SHMT1: variants seen among roughly 807,000 people sequenced by gnomAD.
SHMT1 encodes serine hydroxymethyltransferase, cytosolic.
In SHMT1, 45 loss-of-function variants were observed where a neutral mutation model predicts 49.0. The observed-to-expected ratio is 0.92, with a 90% CI of 0.72 to 1.18. The LOEUF (loss-of-function observed/expected upper bound fraction) is 1.18, where lower values mean the gene tolerates loss of function less well. Among genes scored for constraint, SHMT1 ranks in the 50% most tolerant of loss-of-function variants. SHMT1 has a pLI of 0.00. For synonymous variants in SHMT1, 232 were observed against 246.6 expected (o/e 0.94, Z 0.55); for missense variants, 541 against 612.4 (o/e 0.88, Z 1.23).
rs1366992128 is a variant in SHMT1, at chr17:18,353,822, TGAG to T, written c.97-8_97-6del. ...CTTCTTAATGATGTTGTAAACCTTA[TGAG>T]AAGAAAACAGATGCTTGATATTTGG... On this transcript the variant is annotated splice_region_variant and splice_polypyrimidine_tract_variant and intron_variant, in intron 2 of 11. Transcript: ENST00000316694. 2.5e-6 allele frequency: 4 copies of T among 1,613,930 alleles called. No individual in the cohort carries two copies. The African/African-American group carries it at 5.3e-5, about 22-fold the overall frequency.
At chr17:18,350,748 T>G (rs181997835) in intron 3 of SHMT1, among the ~76,000 whole-genome samples, 1 of 152,020 alleles carries the variant, frequency 6.6e-6, no homozygotes, top group Admixed American at 6.6e-5. Flanking sequence ...TTTTTTTTTT[T>G]CTGAGATGGA....
chr17:18,358,126 G>A (rs796454611), intron 1 of SHMT1, among the ~76,000 whole-genome samples: 52 of 129,752 alleles, frequency 4.0e-4, no homozygotes, highest in African/African-American at 1.3e-3. Context: ...GTGAGCCACC[G>A]CGCCCAGCCT....
chr17:18,339,998 A>C (rs767688059), intron 7 of SHMT1, 45 bp downstream of exon 7: 2 of 1,584,832 alleles, frequency 1.3e-6, no homozygotes, highest in East Asian at 4.5e-5. Flanking sequence ...CACAGGAGAA[A>C]TGTAAACCAT....
intron 3 of SHMT1, among the ~76,000 whole-genome samples, chr17:18,353,119 G>C (rs1173593021): frequency 6.6e-6 from 1 of 152,180 alleles, no homozygotes; most frequent in African/African-American, 2.4e-5. Flanking sequence ...ATTTGCAAAA[G>C]CCATGTCTAA....
rs572473942 is a variant in SHMT1 at position 18,353,756 on chromosome 17, G to C, written c.158C>G (p.Ser53Trp). 7.4e-6 allele frequency: 12 copies of C among 1,613,872 alleles called. No individual in the cohort carries two copies. The South Asian group carries it at 1.2e-4, about 16-fold the overall frequency. The change falls in exon 3 of 12, where the codon TCG (serine) becomes TGG (tryptophan). Residue 53 changes from serine (S) to tryptophan (W), a missense_variant. Transcript: ENST00000316694. The part of the protein sequence containing the change: ...RQRVGLELIA[S>W]ENFASRAVLE... ...AACTGCTCGGCTGGCGAAATTCTCC[G>C]AGGCAATCAGCTCCAATCCAACCCT...
In SHMT1 at chr17:18,347,491, C is replaced by T. The variant is rs372550328; in HGVS notation, c.519+5G>A. On this transcript the variant is annotated splice_donor_5th_base_variant and intron_variant, in intron 5 of 11. Transcript: ENST00000316694. ...ATAAAAGCTAGGAGAGAAACACATG[C>T]TTACCTTGTAGGGCATAGATTCAAA... 1 of 1,613,852 alleles carries T rather than the reference C, an allele frequency of 6.2e-7. No individual in the cohort carries two copies. Among genetic ancestry groups the T allele is most frequent in the African/African-American group, 1.3e-5 (1 of 74,922 alleles).
chr17:18,328,724 G>A lies in SHMT1; in HGVS notation c.*26C>T, dbSNP rs775910676. The A allele has an allele frequency of 6.4e-6, 10 of 1,551,134 alleles. No individual in the cohort carries two copies. Among genetic ancestry groups the A allele is most frequent in the South Asian group, 1.2e-5 (1 of 84,636 alleles). On this transcript the variant is annotated 3_prime_UTR_variant, in exon 12 of 12. Transcript: ENST00000316694. ...GCAGGCAGCTTCCTCTGTGGCGCCA[G>A]GTGGGTCCAGAGTGGGCCCGCTCCT...
intron 1 of SHMT1, among the ~76,000 whole-genome samples, chr17:18,362,582 C>T (rs1986873773): frequency 6.6e-6 from 1 of 152,178 alleles, no homozygotes; most frequent in South Asian, 2.1e-4. Context: ...CCTCGGCCTC[C>T]CAAAATGCTG....
intron 3 of SHMT1, among the ~76,000 whole-genome samples, chr17:18,351,540 T>C (rs1985703055): frequency 6.6e-6 from 1 of 151,570 alleles, no homozygotes. Context: ...AGGCGGATCA[T>C]GAGGTCAGGA....
In SHMT1 at chr17:18,328,391, A is replaced by G. The variant is rs1982789820; in HGVS notation, c.*359T>C. On this transcript the variant is annotated 3_prime_UTR_variant, in exon 12 of 12. Coordinates refer to ENST00000316694, the MANE Select transcript of SHMT1 (RefSeq NM_004169.5). ...CCTCTCTGTTGCAGCAAGGCGGAGGAAAGCCCAGGGAGAGTAAAACGCTAC... is the reference window on the plus strand; with the variant it reads ...CCTCTCTGTTGCAGCAAGGCGGAGGGAAGCCCAGGGAGAGTAAAACGCTAC... 6 of 307,062 alleles carry G rather than the reference A, an allele frequency of 2.0e-5. No individual in the cohort carries two copies. The highest frequency in any genetic ancestry group is 1.9e-4 in the South Asian group (6 of 32,314). The allele number at this position is 307,062 out of a possible 1,614,324, so 19.0% of individuals were successfully genotyped here.
chr17:18,336,231 C>T (rs546793564), intron 7 of SHMT1, among the ~76,000 whole-genome samples: 1 of 150,966 alleles, frequency 6.6e-6, no homozygotes, highest in East Asian at 2.0e-4. Flanking sequence ...GAGCCAAGAT[C>T]GCGCCAGTGC....
In SHMT1 at chr17:18,363,486, C is replaced by G. The variant is rs1421204109; in HGVS notation, c.-134G>C. 1 of 152,884 alleles carries G rather than the reference C, an allele frequency of 6.5e-6. No individual in the cohort carries two copies. Among genetic ancestry groups the G allele is most frequent in the Non-Finnish European group, 1.5e-5 (1 of 68,604 alleles). 9.5% of individuals were successfully genotyped at this position (152,884 alleles called of 1,614,324 possible). On this transcript the variant is annotated 5_prime_UTR_variant, in exon 1 of 12. Coordinates refer to ENST00000316694, the MANE Select transcript of SHMT1 (RefSeq NM_004169.5). ...CGTGACCAGCCGCTCCAACCCCAAA[C>G]CCCGAACTTGGCGCTGGACCGCTCG...
intron 7 of SHMT1, among the ~76,000 whole-genome samples, chr17:18,338,031 T>C (rs35253049): frequency 0.36 from 50,597 of 141,112 alleles, 9,772 homozygotes; most frequent in African/African-American, 0.52. Context: ...GCCTGGCCGC[T>C]CATCATCTGG....
Position 18,340,242 on chromosome 17 carries a change from G to A in SHMT1, c.615C>T (p.Tyr205=). The A allele has an allele frequency of 6.2e-7, 1 of 1,614,122 alleles. No individual in the cohort carries two copies. Among genetic ancestry groups the A allele is most frequent in the East Asian group, 2.2e-5 (1 of 44,884 alleles). ...GCCGGGCATATTCCAGGTTTCGGGA[G>A]TAGCAGCTGGTTCCTGAGACAGGAA... is the stretch of plus-strand genomic sequence containing the variant. ...PKLIIAGTSC[Y]SRNLEYARLR... The change falls in exon 7 of 12, where the codon TAC becomes TAT. Residue 205 remains tyrosine (Y), a synonymous_variant. Transcript: ENST00000316694. This position sits in a 1 kb window ranked among gnomAD's most constrained non-coding sequence, Gnocchi z 4.5.
chr17:18,339,063 A>T, intron 7 of SHMT1, among the ~76,000 whole-genome samples: 1 of 149,224 alleles, frequency 6.7e-6, no homozygotes, highest in Non-Finnish European at 1.5e-5. Context: ...AAAAAAAAAA[A>T]AAAAAAAAAA....
chr17:18,352,165 T>TTTTTTTG (rs1598056691), intron 3 of SHMT1, among the ~76,000 whole-genome samples: 1 of 150,708 alleles, frequency 6.6e-6, no homozygotes, highest in African/African-American at 2.4e-5. Context: ...TTTTTTTTTT[T>TTTTTTTG]GAGACGGAGG....
Position 18,328,935 on chromosome 17 carries a change from C to T in SHMT1, c.1283-16G>A. 1 of 1,613,542 alleles carries T rather than the reference C, an allele frequency of 6.2e-7. No homozygotes were observed. The highest frequency in any genetic ancestry group is 8.5e-7 in the Non-Finnish European group (1 of 1,179,880). On this transcript the variant is annotated splice_polypyrimidine_tract_variant and intron_variant, in intron 11 of 11. Transcript: ENST00000316694. ...AGCTCTATCCCTGTGCCACAAGACA[C>T]AAATGAGTCACCCCACACTACACAC... is the stretch of plus-strand genomic sequence containing the variant.
chr17:18,347,725 G>C lies in SHMT1; in HGVS notation c.359-69C>G, dbSNP rs950760824. The C allele has an allele frequency of 2.5e-6, 4 of 1,574,606 alleles. No homozygotes were observed. In the African/African-American group the frequency reaches 4.1e-5, roughly 16 times the overall value. On this transcript the variant is annotated intron_variant, in intron 4 of 11. Coordinates refer to ENST00000316694, the MANE Select transcript of SHMT1 (RefSeq NM_004169.5). ...GGTACCAAGTGGCATCCGGGACCTT[G>C]GCCACTAAGCCTTCACCCAGGAGTG...
chr17:18,359,849 G>T (rs1321181491), intron 1 of SHMT1, among the ~76,000 whole-genome samples: 1 of 152,008 alleles, frequency 6.6e-6, no homozygotes, highest in Non-Finnish European at 1.5e-5. Context: ...AGGAGGCTGA[G>T]GCAGAAGAAT....
Sources: gnomAD v4.1 joint callset for allele counts (sites outside exome capture counted in the v4.1 genomes callset) on GRCh38, gnomAD v4.1.1 for gene constraint, Gnocchi (gnomAD v3.1) non-coding constraint, MANE v1.5 for transcripts, NCBI Gene and HGNC (gene_info 2026-07-23, HGNC 2026-07-21) for gene names.